ZNF256: variants seen among roughly 807,000 people sequenced by gnomAD.
The protein encoded by ZNF256 is bone marrow zinc finger 3.
ZNF256 carries 4 observed loss-of-function variants against 7.9 expected under a neutral mutation model. The observed-to-expected ratio is 0.50, with a 90% CI of 0.25 to 1.15. ZNF256 has a LOEUF of 1.15. Ranked by LOEUF, ZNF256 falls within the 50% of genes most tolerant of loss-of-function variation. The probability of loss-of-function intolerance (pLI) is 0.15; values close to 1 mark genes in which losing one functional copy is unlikely to be tolerated. For missense variants in ZNF256, 666 were observed against 755.9 expected (o/e 0.88, Z 1.39); for synonymous variants, 260 against 260.4 (o/e 1.00, Z 0.02).
In ZNF256 at chr19:57,946,005, C is replaced by T. The variant is rs113976228; in HGVS notation, c.33+1437G>A. Among the ~76,000 whole-genome samples the T allele has an allele frequency of 9.7e-3, 1,478 of 152,306 alleles. 20 individuals carry two copies. The highest frequency in any genetic ancestry group is 0.033 in the African/African-American group (1,368 of 41,566). ...ATACCCATAAAGTGGTGAATAAGCACGAGTTTTGGCCTGAGTGTCCTATGC... is the reference window on the plus strand; with the variant it reads ...ATACCCATAAAGTGGTGAATAAGCATGAGTTTTGGCCTGAGTGTCCTATGC... On this transcript the variant is annotated intron_variant, in intron 1 of 2. Coordinates refer to ENST00000282308, the MANE Select transcript of ZNF256 (RefSeq NM_005773.3).
chr19:57,941,554 A>T lies in ZNF256; in HGVS notation c.1254T>A (p.Tyr418Ter). 1 of 1,614,034 alleles carries T rather than the reference A, an allele frequency of 6.2e-7. No homozygotes were observed. Among genetic ancestry groups the T allele is most frequent in the South Asian group, 1.1e-5 (1 of 91,084 alleles). ...ECSECGKLFTYRSRFFQHQRV... is the reference protein window; with the variant it reads ...ECSECGKLFT ...TCTGGTGTTGGAAGAAACGAGATCT[A>T]TAAGTAAACAATTTCCCACATTCAC... Residue 418 changes from tyrosine (Y) to a stop codon, truncating the protein, a stop_gained, in exon 3 of 3, where the codon TAT (tyrosine) becomes TAA (stop). Transcript: ENST00000282308. LOFTEE classifies it low-confidence loss of function (END_TRUNC).
At position 57,947,655 on chromosome 19, in the gene ZNF256, C is replaced by G. The variant is rs16988298; in HGVS notation, c.-181G>C. On this transcript the variant is annotated 5_prime_UTR_variant, in exon 1 of 3. Transcript: ENST00000282308. The stretch of plus-strand genomic sequence containing the variant: ...GCTCCGGGGCTTTCTACCAAGTAAT[C>G]AGTCCAGACAAATGCCAAAACGACC... 0.18 allele frequency: 95,116 copies of G among 519,324 alleles called. 11,137 individuals carry two copies. Among genetic ancestry groups the G allele is most frequent in the African/African-American group, 0.45 (22,700 of 50,546 alleles). 32.2% of individuals were successfully genotyped at this position (519,324 alleles called of 1,614,324 possible). A position where few individuals can be genotyped will look rare whatever the true frequency, so the allele number is the denominator to read the frequency against.
In ZNF256 at chr19:57,947,602, A is replaced by T; in HGVS notation, c.-128T>A. ...GGGAAGACTCCTCTCGCGCCTTCTC[A>T]GTCAGTCACGGATGATGCTGACCCA... On this transcript the variant is annotated 5_prime_UTR_variant, in exon 1 of 3. Transcript: ENST00000282308. 1 of 937,884 alleles carries T rather than the reference A, an allele frequency of 1.1e-6. No individual in the cohort carries two copies. Among genetic ancestry groups the T allele is most frequent in the Non-Finnish European group, 1.4e-6 (1 of 705,104 alleles). The allele number at this position is 937,884 out of a possible 1,614,324, so 58.1% of individuals were successfully genotyped here. A position where few individuals can be genotyped will look rare whatever the true frequency, so the allele number is the denominator to read the frequency against.
chr19:57,941,182 G>C lies in ZNF256; in HGVS notation c.1626C>G (p.Thr542=), dbSNP rs769263693. ...CACTGCACTCATAAGGCCTTTCTCCGGTGTGACTTCTCCTATGTCTAATGA... is the reference window on the plus strand; with the variant it reads ...CACTGCACTCATAAGGCCTTTCTCCCGTGTGACTTCTCCTATGTCTAATGA... ...SSLIRHRRSH[T]GERPYECSEC... is the part of the protein sequence containing the mutation. Residue 542 remains threonine (T), a synonymous_variant, in exon 3 of 3, where the codon ACC becomes ACG. Transcript: ENST00000282308. 6.2e-6 allele frequency: 10 copies of C among 1,612,888 alleles called. No individual in the cohort carries two copies.
chr19:57,944,595 T>C (rs1179673865), intron 1 of ZNF256, among the ~76,000 whole-genome samples: 2 of 152,060 alleles, frequency 1.3e-5, no homozygotes, highest in African/African-American at 4.8e-5. Context: ...GAGGCCGAGG[T>C]GGGCGGATCA....
chr19:57,945,578 T>C (rs1290311954), intron 1 of ZNF256, among the ~76,000 whole-genome samples: 1 of 152,208 alleles, frequency 6.6e-6, no homozygotes, highest in Non-Finnish European at 1.5e-5. Context: ...CGACATATCA[T>C]ACTGGGCCTT....
At position 57,941,074 on chromosome 19, in the gene ZNF256, A is replaced by G. The variant is rs1568559800; in HGVS notation, c.1734T>C (p.Ser578=). The change falls in exon 3 of 3, where the codon AGT becomes AGC. Residue 578 remains serine, a synonymous_variant. Coordinates refer to ENST00000282308, the MANE Select transcript of ZNF256 (RefSeq NM_005773.3). ...TCTGGCTAAAGGATTTTCCACATTC[A>G]CTGCATTCATAAGGCCTTTCTCCGG... is the stretch of plus-strand genomic sequence containing the variant. The part of the protein sequence containing the change: ...VHTGERPYEC[S]ECGKSFSQSS... The G allele has an allele frequency of 1.9e-6, 3 of 1,614,108 alleles. No homozygotes were observed. Among genetic ancestry groups the G allele is most frequent in the Non-Finnish European group, 2.5e-6 (3 of 1,180,024 alleles).
In ZNF256 at chr19:57,947,527, GC is replaced by G. The variant is rs1161910387; in HGVS notation, c.-54del. 3.2e-6 allele frequency: 4 copies of G among 1,248,266 alleles called. No individual in the cohort carries two copies. In the African/African-American group the frequency reaches 6.2e-5, roughly 19 times the overall value. 77.3% of individuals were successfully genotyped at this position (1,248,266 alleles called of 1,614,324 possible). The stretch of plus-strand genomic sequence containing the variant: ...AGAGGATGTCCTTATTCCGGGCCGG[GC>G]CTGGGTACCCTGGGCGCCGCCGAGC... On this transcript the variant is annotated 5_prime_UTR_variant, in exon 1 of 3. Coordinates refer to ENST00000282308, the MANE Select transcript of ZNF256 (RefSeq NM_005773.3).
chr19:57,946,284 C>T (rs765547959), intron 1 of ZNF256, among the ~76,000 whole-genome samples: 16 of 152,148 alleles, frequency 1.1e-4, no homozygotes, highest in Non-Finnish European at 1.8e-4. Context: ...ATTTCAAGAC[C>T]GGCACGTTCA....
At chr19:57,943,825 G>A in intron 2 of ZNF256, 109 bp downstream of exon 2, 2 of 1,450,722 alleles carry the variant, frequency 1.4e-6, no homozygotes, top group Non-Finnish European at 1.9e-6. Context: ...CACCTGCCCA[G>A]GAACAGGAAG....
Position 57,941,736 on chromosome 19 carries a change from TC to T in ZNF256, c.1071del (p.Lys358AsnfsTer75). On this transcript the variant is annotated frameshift_variant, in exon 3 of 3. Transcript: ENST00000282308. LOFTEE classifies it low-confidence loss of function (END_TRUNC). ...AGGCTAGAACTATGGATAAAAGATT[TC>T]CCACATTCACTGCACTCATAAGGCC... ...GMRPYECSECGKSFIHSSSLI... is the reference protein window; with the variant it reads ...GMRPYECSECXKSFIHSSSLI... 6.2e-7 allele frequency: 1 copy of T among 1,614,150 alleles called. No homozygotes were observed. Among genetic ancestry groups the T allele is most frequent in the Non-Finnish European group, 8.5e-7 (1 of 1,180,004 alleles).
Position 57,942,296 on chromosome 19 carries a change from T to C in ZNF256, c.512A>G (p.Lys171Arg). The C allele has an allele frequency of 6.2e-7, 1 of 1,614,222 alleles. No individual in the cohort carries two copies. Among genetic ancestry groups the C allele is most frequent in the Non-Finnish European group, 8.5e-7 (1 of 1,180,040 alleles). ...CACCAGGAAATCCTTCCCAACCTCC[T>C]TGCAAGTGAAGGGCTTCCCAGATAC... The part of the protein sequence containing the change: ...FEVSGKPFTC[K>R]EVGKDFLVRS... The change falls in exon 3 of 3, where the codon AAG becomes AGG. Residue 171 changes from lysine to arginine, a missense_variant. Physicochemically the swap from Lys to Arg is conservative, Grantham distance 26. Coordinates refer to ENST00000282308, the MANE Select transcript of ZNF256 (RefSeq NM_005773.3).
intron 1 of ZNF256, among the ~76,000 whole-genome samples, chr19:57,946,238 A>T (rs1037227471): frequency 6.6e-6 from 1 of 152,192 alleles, no homozygotes; most frequent in East Asian, 1.9e-4. Flanking sequence ...CACAACAGCC[A>T]CATCTTGAAT....
In ZNF256 at chr19:57,941,956, C is replaced by A. The variant is rs10414058; in HGVS notation, c.852G>T (p.Thr284=). ...TTACTCCAGTGTGAATTCTTCGGTGCGTAATAAGGCTAGAGCTTTGCCTAT... is the reference window on the plus strand; with the variant it reads ...TTACTCCAGTGTGAATTCTTCGGTGAGTAATAAGGCTAGAGCTTTGCCTAT... ...KSYRQSSSLI[T]HRRIHTGVRP... The change falls in exon 3 of 3, where the codon ACG becomes ACT. Residue 284 remains threonine (T), a synonymous_variant. Transcript: ENST00000282308. 3,331 of 1,614,018 alleles carry A rather than the reference C, an allele frequency of 2.1e-3. 55 individuals are homozygous for A. The African/African-American group carries it at 0.036, about 17-fold the overall frequency.
chr19:57,942,298 G>C lies in ZNF256; in HGVS notation c.510C>G (p.Cys170Trp). 1.9e-6 allele frequency: 3 copies of C among 1,614,222 alleles called. No individual in the cohort carries two copies. The highest frequency in any genetic ancestry group is 2.5e-6 in the Non-Finnish European group (3 of 1,180,038). ...CCAGGAAATCCTTCCCAACCTCCTT[G>C]CAAGTGAAGGGCTTCCCAGATACTT... ...TFEVSGKPFT[C>W]KEVGKDFLVR... The change falls in exon 3 of 3, where the codon TGC (cysteine) becomes TGG (tryptophan). Residue 170 changes from cysteine (C) to tryptophan (W), a missense_variant. Transcript: ENST00000282308.
At position 57,942,105 on chromosome 19, in the gene ZNF256, T is replaced by C; in HGVS notation, c.703A>G (p.Arg235Gly). ...TCACTGCACATGTAAGATCTTTCCC[T>C]AATGAGGTCTCCCTGGTGCTGAACA... is the stretch of plus-strand genomic sequence containing the variant. ...VRVQHQGDLI[R>G]ERSYMCSECG... is the part of the protein sequence containing the mutation. Residue 235 changes from arginine to glycine, a missense_variant, in exon 3 of 3, where the codon AGG becomes GGG. Coordinates refer to ENST00000282308, the MANE Select transcript of ZNF256 (RefSeq NM_005773.3). The C allele has an allele frequency of 6.2e-7, 1 of 1,614,246 alleles. No homozygotes were observed. Among genetic ancestry groups the C allele is most frequent in the Non-Finnish European group, 8.5e-7 (1 of 1,180,044 alleles).
rs1296675092 is a variant in ZNF256 at position 57,940,915 on chromosome 19, A to T, written c.*9T>A. The T allele has an allele frequency of 6.2e-7, 1 of 1,609,174 alleles. No individual in the cohort carries two copies. Among genetic ancestry groups the T allele is most frequent in the South Asian group, 1.1e-5 (1 of 90,774 alleles). ...AGTCCGTAACAGCCCTATGTGTGTTACCTAACCTTTATCCCTTGTGAACGT... is the reference window on the plus strand; with the variant it reads ...AGTCCGTAACAGCCCTATGTGTGTTTCCTAACCTTTATCCCTTGTGAACGT... On this transcript the variant is annotated 3_prime_UTR_variant, in exon 3 of 3. Transcript: ENST00000282308.
Position 57,942,129 on chromosome 19 carries a change from C to A in ZNF256, c.679G>T (p.Val227Phe). Residue 227 changes from valine (V) to phenylalanine (F), a missense_variant, in exon 3 of 3, where the codon GTT becomes TTT. Transcript: ENST00000282308. ...VKAFSYKHVRVQHQGDLIRER... is the reference protein window; with the variant it reads ...VKAFSYKHVRFQHQGDLIRER... ...CTAATGAGGTCTCCCTGGTGCTGAA[C>A]ACGTACATGTTTGTAGCTGAAAGCT... is the stretch of plus-strand genomic sequence containing the variant. 6.2e-7 allele frequency: 1 copy of A among 1,614,226 alleles called. No homozygotes were observed. The highest frequency in any genetic ancestry group is 8.5e-7 in the Non-Finnish European group (1 of 1,180,046).
chr19:57,945,868 C>T (rs144767541), intron 1 of ZNF256, among the ~76,000 whole-genome samples: 26 of 152,338 alleles, frequency 1.7e-4, no homozygotes, highest in African/African-American at 5.8e-4. Flanking sequence ...CCCAGCCTCA[C>T]TGGTCGTTCA....
Sources: gnomAD v4.1 joint callset for allele counts (sites outside exome capture counted in the v4.1 genomes callset) on GRCh38, gnomAD v4.1.1 for gene constraint, MANE v1.5 for transcripts, NCBI Gene and HGNC (gene_info 2026-07-23, HGNC 2026-07-21) for gene names.